Variants in CD47 observed in about 807,000 individuals in gnomAD.
The protein encoded by CD47 is leukocyte surface antigen CD47.
Under a neutral mutation model 44.6 loss-of-function variants are expected in CD47, and 11 were observed. The observed-to-expected ratio is 0.25, with a 90% CI of 0.16 to 0.41. The LOEUF (loss-of-function observed/expected upper bound fraction) is 0.41. Ranked by LOEUF, CD47 falls within the 10% of genes least tolerant of loss-of-function variation. CD47 has a pLI of 1.00. For synonymous variants in CD47, 140 were observed against 136.3 expected, an observed-to-expected ratio of 1.03 and a Z score of -0.19; for missense variants, 306 against 386.7, an observed-to-expected ratio of 0.79 and a Z score of 1.75.
intron 3 of CD47, among the ~76,000 whole-genome samples, chr3:108,066,899 G>A (rs1435045057): frequency 6.6e-6 from 1 of 152,130 alleles, no homozygotes; most frequent in Non-Finnish European, 1.5e-5. Flanking sequence ...CAGAGGAAGT[G>A]ACTGGCAATA....
At chr3:108,088,000 C>T (rs373252510) in intron 1 of CD47, among the ~76,000 whole-genome samples, 1 of 152,292 alleles carries the variant, frequency 6.6e-6, no homozygotes, top group Middle Eastern at 3.4e-3. Flanking sequence ...GAAATATCTA[C>T]ACTAGTATAC....
intron 10 of CD47, among the ~76,000 whole-genome samples, chr3:108,048,390 T>G (rs1331849086): frequency 1.4e-5 from 2 of 142,270 alleles, no homozygotes; most frequent in South Asian, 2.4e-4. Flanking sequence ...TTTTTTTTTT[T>G]TTTTTTTTTC....
intron 7 of CD47, chr3:108,055,483 A>AG: frequency 8.8e-7 from 1 of 1,141,024 alleles, no homozygotes; most frequent in Non-Finnish European, 1.2e-6. Flanking sequence ...TGTTCCTCCT[A>AG]GTCTACCATG....
At chr3:108,075,151 A>C (rs535343104) in intron 2 of CD47, among the ~76,000 whole-genome samples, 2 of 152,310 alleles carry the variant, frequency 1.3e-5, no homozygotes, top group South Asian at 4.2e-4. Context: ...TCCTTATTCT[A>C]CCCAAGCTAT....
At position 108,044,411 on chromosome 3, in the gene CD47, T is replaced by A. The variant is rs2078680089; in HGVS notation, c.*2877A>T. On this transcript the variant is annotated 3_prime_UTR_variant, in exon 11 of 11. Coordinates refer to ENST00000361309, the MANE Select transcript of CD47 (RefSeq NM_001777.4). Reference sequence around the variant, plus strand: ...TGAAGGTTTTTAGAGCATGTGAAATTAGTCAAAAAAAAAAAAAAAAAAAAA... The same window carrying A: ...TGAAGGTTTTTAGAGCATGTGAAATAAGTCAAAAAAAAAAAAAAAAAAAAA... The A allele has an allele frequency of 2.7e-5, 3 of 112,256 alleles. No individual in the cohort carries two copies. The highest frequency in any genetic ancestry group is 9.9e-5 in the Admixed American group (1 of 10,116). The allele number at this position is 112,256 out of a possible 1,614,324, so 7.0% of individuals were successfully genotyped here. A position where few individuals can be genotyped will look rare whatever the true frequency, so the allele number is the denominator to read the frequency against.
intron 1 of CD47, among the ~76,000 whole-genome samples, chr3:108,083,656 CAGA>C (rs943876872): frequency 1.3e-5 from 2 of 151,978 alleles, no homozygotes; most frequent in Non-Finnish European, 2.9e-5. Flanking sequence ...TAGGCAAAAA[CAGA>C]AGAATGTCAT....
intron 2 of CD47, among the ~76,000 whole-genome samples, chr3:108,075,581 T>C (rs1253329618): frequency 6.6e-6 from 1 of 152,168 alleles, no homozygotes; most frequent in East Asian, 1.9e-4. Context: ...CATTATTTAT[T>C]TAATCAAACC....
chr3:108,073,585 G>A (rs2079250552), intron 2 of CD47, among the ~76,000 whole-genome samples: 1 of 152,214 alleles, frequency 6.6e-6, no homozygotes, highest in Non-Finnish European at 1.5e-5. Context: ...ACCAAAGGAT[G>A]GCCATTGTGA....
intron 3 of CD47, among the ~76,000 whole-genome samples, chr3:108,069,230 T>C (rs1577003609): frequency 1.3e-5 from 2 of 152,158 alleles, no homozygotes; most frequent in African/African-American, 4.8e-5. Context: ...GTTATTTTCA[T>C]AGTATCAAAA....
intron 10 of CD47, 69 bp from the exon 11 acceptor site, chr3:108,047,361 C>T (rs2078737057): frequency 7.6e-6 from 10 of 1,309,448 alleles, no homozygotes; most frequent in South Asian, 2.6e-5. Context: ...AAAGTTGACA[C>T]ATTAAAAAAA....
chr3:108,057,559 T>C lies in CD47; in HGVS notation c.795A>G (p.Pro265=). 1 of 1,504,528 alleles carries C rather than the reference T, an allele frequency of 6.6e-7. No homozygotes were observed. Among genetic ancestry groups the C allele is most frequent in the Non-Finnish European group, 9.2e-7 (1 of 1,081,804 alleles). The allele number at this position is 1,504,528 out of a possible 1,614,324, so 93.2% of individuals were successfully genotyped here. ...CTGAAATCAGAAGAGGGCCATGCATTGGTATACACGCTGTAAAAACAAATA... is the reference window on the plus strand; with the variant it reads ...CTGAAATCAGAAGAGGGCCATGCATCGGTATACACGCTGTAAAAACAAATA... ...GLSLCIAACI[P]MHGPLLISGL... Residue 265 remains proline (P), a synonymous_variant, in exon 7 of 11, where the codon CCA becomes CCG. Transcript: ENST00000361309.
chr3:108,080,053 G>C lies in CD47; in HGVS notation c.338C>G (p.Thr113Ser). Residue 113 changes from threonine to serine, a missense_variant, in exon 2 of 11, where the codon ACT becomes AGT. Thr to Ser is a moderately conservative substitution (Grantham distance 58). Transcript: ENST00000361309. ...SDAVSHTGNY[T>S]CEVTELTREG... ...TCTGGTTAATTCTGTTACTTCACAA[G>C]TGTAGTTTCCTGTGTGTGAGACAGC... is the stretch of plus-strand genomic sequence containing the variant. The C allele has an allele frequency of 6.2e-7, 1 of 1,612,914 alleles. No homozygotes were observed. The highest frequency in any genetic ancestry group is 2.2e-5 in the East Asian group (1 of 44,856).
chr3:108,083,617 C>T (rs35159203), intron 1 of CD47, among the ~76,000 whole-genome samples: 57,103 of 151,810 alleles, frequency 0.38, 11,049 homozygotes, highest in Non-Finnish European at 0.42. Context: ...ATTGGTCTTA[C>T]AGATTTCTAA....
At chr3:108,061,807 T>A (rs528132437) in intron 3 of CD47, among the ~76,000 whole-genome samples, 2 of 152,310 alleles carry the variant, frequency 1.3e-5, no homozygotes, top group African/African-American at 4.8e-5. Flanking sequence ...GTCATCCACA[T>A]AGAGATAGTC....
intron 3 of CD47, among the ~76,000 whole-genome samples, chr3:108,065,493 T>C (rs1044844603): frequency 6.6e-6 from 1 of 152,048 alleles, no homozygotes; most frequent in African/African-American, 2.4e-5. Flanking sequence ...GGGAAAGCAC[T>C]GGGAGTTCAA....
chr3:108,052,122 A>C, intron 7 of CD47, 152 bp from the exon 8 acceptor site: 1 of 517,444 alleles, frequency 1.9e-6, no homozygotes, highest in Non-Finnish European at 3.6e-6. Context: ...AGTCTATTCA[A>C]ACATGCTGAA....
intron 8 of CD47, among the ~76,000 whole-genome samples, chr3:108,051,196 T>C (rs1329906786): frequency 1.3e-5 from 2 of 152,188 alleles, no homozygotes; most frequent in Non-Finnish European, 2.9e-5. Flanking sequence ...CAGAAGACTC[T>C]CTTTGGCATT....
intron 7 of CD47, among the ~76,000 whole-genome samples, chr3:108,055,110 A>T (rs2078891780): frequency 6.6e-6 from 1 of 152,202 alleles, no homozygotes; most frequent in South Asian, 2.1e-4. Flanking sequence ...GTTAAAAAAT[A>T]GAAAGTGAAA....
At chr3:108,072,639 A>C (rs2079227135) in intron 2 of CD47, among the ~76,000 whole-genome samples, 1 of 152,088 alleles carries the variant, frequency 6.6e-6, no homozygotes. Flanking sequence ...CAATACCTTT[A>C]TTTCCAACTG....
Sources: gnomAD v4.1 joint callset for allele counts (sites outside exome capture counted in the v4.1 genomes callset) on GRCh38, gnomAD v4.1.1 for gene constraint, MANE v1.5 for transcripts, NCBI Gene and HGNC (gene_info 2026-07-23, HGNC 2026-07-21) for gene names.